The following ARMC9 variants were observed in gnomAD, a reference collection of about 807,000 sequenced individuals.
ARMC9 encodes the protein armadillo repeat containing 9, also known as lisH domain-containing protein ARMC9.
A neutral mutation model predicts 107.0 loss-of-function variants in ARMC9; 94 were observed. That is an observed-to-expected ratio of 0.88 (90% CI 0.74 to 1.04). ARMC9 has a LOEUF of 1.04. Ranked by LOEUF, ARMC9 falls within the 50% of genes least tolerant of loss-of-function variation. The pLI, the probability that ARMC9 is intolerant of heterozygous loss-of-function variation, is 0.00. For missense variants in ARMC9, 942 were observed against 1,030.1 expected (o/e 0.91, Z 1.17); for synonymous variants, 380 against 396.9 (o/e 0.96, Z 0.51).
Position 231,337,270 on chromosome 2 carries a change from G to GTGTATATATATATATATA in ARMC9, c.1878+5374_1878+5375insGTATATATATATATATAT, listed in dbSNP as rs1417267339. Among the ~76,000 whole-genome samples the GTGTATATATATATATATA allele has an allele frequency of 4.3e-4, 33 of 76,382 alleles. 1 individual carries two copies. Among genetic ancestry groups the GTGTATATATATATATATA allele is most frequent in the African/African-American group, 1.8e-3 (32 of 17,300 alleles). The allele number at this position is 76,382 out of a possible 152,430, so 50.1% of individuals were successfully genotyped here. A position where few individuals can be genotyped will look rare whatever the true frequency, so the allele number is the denominator to read the frequency against. ...TGACTCAATGTCTATACGTGTGTGTGTATATATATATATATATATATTTTT... is the reference window on the plus strand; with the variant it reads ...TGACTCAATGTCTATACGTGTGTGTGTGTATATATATATATATATATATATATATATATATATATTTTT... On this transcript the variant is annotated intron_variant, in intron 20 of 24. Transcript: ENST00000611582.
chr2:231,224,861 A>T (rs948616973), intron 6 of ARMC9, among the ~76,000 whole-genome samples: 1 of 152,208 alleles, frequency 6.6e-6, no homozygotes, highest in African/African-American at 2.4e-5. Context: ...AGGGATGGGA[A>T]TTACAGGTAG....
At chr2:231,309,443 T>C (rs1049198684) in intron 19 of ARMC9, among the ~76,000 whole-genome samples, 21 of 152,202 alleles carry the variant, frequency 1.4e-4, no homozygotes, top group African/African-American at 4.6e-4. Context: ...GAAGCATATT[T>C]CTAGTTTTTC....
At chr2:231,252,803 ATT>A (rs34618597) in intron 9 of ARMC9, among the ~76,000 whole-genome samples, 5 of 134,186 alleles carry the variant, frequency 3.7e-5, no homozygotes, top group Non-Finnish European at 3.2e-5. Flanking sequence ...CAACCCCCTA[ATT>A]TTTTTTTTTT....
intron 20 of ARMC9, among the ~76,000 whole-genome samples, chr2:231,338,235 T>G (rs1465121028): frequency 6.6e-6 from 1 of 151,984 alleles, no homozygotes; most frequent in Admixed American, 6.6e-5. Context: ...TTTTTTTTTT[T>G]TTTAAAACAG....
chr2:231,331,993 GTTTGT>G, intron 20 of ARMC9, 96 bp downstream of exon 20: 2 of 1,046,932 alleles, frequency 1.9e-6, no homozygotes, highest in Non-Finnish European at 2.9e-6. Context: ...GTTTAGTTTG[GTTTGT>G]TACCATACTG....
chr2:231,287,743 C>T (rs775581593), intron 17 of ARMC9, among the ~76,000 whole-genome samples: 38 of 152,078 alleles, frequency 2.5e-4, no homozygotes, highest in Non-Finnish European at 4.1e-4. Flanking sequence ...CCACGCCTGG[C>T]CTAAGTATGG....
chr2:231,276,504 A>G (rs2039765728), intron 14 of ARMC9, 132 bp from the exon 15 acceptor site: 1 of 1,210,676 alleles, frequency 8.3e-7, no homozygotes, highest in Non-Finnish European at 1.2e-6. Context: ...TCCTGACCTC[A>G]GGTGATCCGT....
intron 22 of ARMC9, among the ~76,000 whole-genome samples, chr2:231,356,738 T>C (rs1436685105): frequency 6.6e-6 from 1 of 152,208 alleles, no homozygotes; most frequent in Non-Finnish European, 1.5e-5. Context: ...CCAGCGTTGA[T>C]CATCAGTTAT....
At position 231,344,887 on chromosome 2, in the gene ARMC9, G is replaced by C. The variant is rs893148988; in HGVS notation, c.1879-88G>C. ...TTGCAAAGCTTCTTATCATTATAGAGTAGTTTATTCAGTGTATTCTGCTTG... is the reference window on the plus strand; with the variant it reads ...TTGCAAAGCTTCTTATCATTATAGACTAGTTTATTCAGTGTATTCTGCTTG... On this transcript the variant is annotated intron_variant, in intron 20 of 24. Coordinates refer to ENST00000611582, the MANE Select transcript of ARMC9 (RefSeq NM_001352754.2). 5.0e-6 allele frequency: 6 copies of C among 1,198,070 alleles called. No individual in the cohort carries two copies. In the African/African-American group the frequency reaches 7.6e-5, roughly 15 times the overall value. The allele number at this position is 1,198,070 out of a possible 1,614,324, so 74.2% of individuals were successfully genotyped here. A position where few individuals can be genotyped will look rare whatever the true frequency, so the allele number is the denominator to read the frequency against.
intron 15 of ARMC9, 79 bp downstream of exon 15, chr2:231,276,854 A>G (rs1330587024): frequency 1.3e-6 from 2 of 1,553,320 alleles, no homozygotes; most frequent in South Asian, 1.2e-5. Context: ...AGTGAGCCTG[A>G]TATGGTTTGC....
intron 12 of ARMC9, among the ~76,000 whole-genome samples, chr2:231,270,281 C>T (rs1251774478): frequency 6.6e-6 from 1 of 152,184 alleles, no homozygotes; most frequent in African/African-American, 2.4e-5. Flanking sequence ...CCTGGTGTCC[C>T]AGATCCACAG....
At chr2:231,257,003 C>T (rs551130752) in intron 10 of ARMC9, among the ~76,000 whole-genome samples, 21 of 152,246 alleles carry the variant, frequency 1.4e-4, no homozygotes, top group African/African-American at 3.1e-4. Context: ...TTAATAAAGA[C>T]GGGTTTTCTC....
At chr2:231,269,503 A>T (rs2125428440) in intron 12 of ARMC9, among the ~76,000 whole-genome samples, 1 of 143,504 alleles carries the variant, frequency 7.0e-6, no homozygotes, top group African/African-American at 2.6e-5. Flanking sequence ...CTCCTGCCTC[A>T]GCCTCCCGAG....
At chr2:231,281,320 C>G (rs2040201455) in intron 16 of ARMC9, among the ~76,000 whole-genome samples, 1 of 152,032 alleles carries the variant, frequency 6.6e-6, no homozygotes, top group Non-Finnish European at 1.5e-5. Flanking sequence ...CCATTCCTGG[C>G]AAGGTGAACT....
intron 9 of ARMC9, among the ~76,000 whole-genome samples, chr2:231,248,412 G>A (rs2036967504): frequency 6.6e-6 from 1 of 152,130 alleles, no homozygotes; most frequent in Non-Finnish European, 1.5e-5. Flanking sequence ...GGACTCAGGT[G>A]TCTTACAGGC....
chr2:231,330,769 C>A (rs1332012458), intron 19 of ARMC9, among the ~76,000 whole-genome samples: 1 of 152,066 alleles, frequency 6.6e-6, no homozygotes, highest in African/African-American at 2.4e-5. Flanking sequence ...GTCATGCCAG[C>A]CTTCCCCTGT....
intron 9 of ARMC9, among the ~76,000 whole-genome samples, chr2:231,241,767 A>G (rs1253688820): frequency 6.6e-6 from 1 of 152,140 alleles, no homozygotes; most frequent in Non-Finnish European, 1.5e-5. Context: ...ATAAGGGTGG[A>G]AAAAATAAAA....
chr2:231,347,113 G>A (rs889998064), intron 21 of ARMC9, among the ~76,000 whole-genome samples: 5 of 152,170 alleles, frequency 3.3e-5, no homozygotes, highest in African/African-American at 1.2e-4. Flanking sequence ...AGAGAAATTT[G>A]AGGACGTTTT....
chr2:231,254,670 GA>G (rs2037601610), intron 9 of ARMC9, among the ~76,000 whole-genome samples: 1 of 144,342 alleles, frequency 6.9e-6, no homozygotes, highest in Non-Finnish European at 1.6e-5. Context: ...AAAAAAAATT[GA>G]AAAAAATTGA....
Sources: allele counts gnomAD v4.1 joint callset (sites outside exome capture counted in the v4.1 genomes callset), GRCh38; gene constraint gnomAD v4.1.1; transcripts MANE v1.5; gene names NCBI Gene and HGNC (gene_info 2026-07-23, HGNC 2026-07-21).